APLF: variants seen among roughly 807,000 people sequenced by gnomAD.
APLF encodes aprataxin and PNK-like factor.
In APLF, 61 loss-of-function variants were observed where a neutral mutation model predicts 55.6. The ratio of observed to expected loss-of-function variants is 1.10; its 90% CI spans 0.89 to 1.36. The LOEUF (loss-of-function observed/expected upper bound fraction) is 1.36. Among genes scored for constraint, APLF ranks in the 40% most tolerant of loss-of-function variants. The probability of loss-of-function intolerance (pLI) is 0.00; values close to 1 mark genes in which losing one functional copy is unlikely to be tolerated. For missense variants in APLF, 611 were observed against 602.5 expected (o/e 1.01, Z -0.15); for synonymous variants, 207 against 214.8 (o/e 0.96, Z 0.32).
At chr2:68,532,711 C>T (rs934261172) in intron 6 of APLF, among the ~76,000 whole-genome samples, 8 of 152,176 alleles carry the variant, frequency 5.3e-5, no homozygotes, top group African/African-American at 1.7e-4. Flanking sequence ...ACAACTCCTT[C>T]CCAGTTATGT....
intron 6 of APLF, among the ~76,000 whole-genome samples, chr2:68,532,116 C>T (rs1015156374): frequency 6.6e-6 from 1 of 152,180 alleles, no homozygotes; most frequent in African/African-American, 2.4e-5. Context: ...CCCTCCATCC[C>T]TGCCCAGTTT....
rs571593860 is a variant in APLF at position 68,541,161 on chromosome 2, T to C, written c.1160+2934T>C. On this transcript the variant is annotated intron_variant, in intron 7 of 9. Transcript: ENST00000303795. ...ATCACAAAATAAATCTCAGATAGAT[T>C]TTTGTAAAACATATAAAGTACAGGT... Among the ~76,000 whole-genome samples the C allele has an allele frequency of 2.6e-5, 4 of 152,282 alleles. No homozygotes were observed. The East Asian group carries it at 7.7e-4, about 29-fold the overall frequency.
rs1221098278 is a variant in APLF, at chr2:68,467,737, CG to C, written c.11del (p.Gly4AlafsTer21). ...GGGCCTAATCCTTGCCCGCCATGTC[CG>C]GGGGCTTCGAGCTGCAGCCGCGGGA... MS[G>X]GFELQPRDGG... is the part of the protein sequence containing the mutation. On this transcript the variant is annotated frameshift_variant, in exon 1 of 10. Transcript: ENST00000303795. LOFTEE classifies it high-confidence loss of function. 1 of 1,234,930 alleles carries C rather than the reference CG, an allele frequency of 8.1e-7. No individual in the cohort carries two copies. 76.5% of individuals were successfully genotyped at this position (1,234,930 alleles called of 1,614,324 possible). A position where few individuals can be genotyped will look rare whatever the true frequency, so the allele number is the denominator to read the frequency against.
intron 7 of APLF, among the ~76,000 whole-genome samples, chr2:68,540,846 T>C (rs1021738329): frequency 6.6e-6 from 1 of 152,098 alleles, no homozygotes; most frequent in Non-Finnish European, 1.5e-5. Flanking sequence ...GCAAAGGACG[T>C]AGAACTCTGA....
chr2:68,544,580 C>T (rs1231580670), intron 7 of APLF, among the ~76,000 whole-genome samples: 1 of 152,076 alleles, frequency 6.6e-6, no homozygotes, highest in Non-Finnish European at 1.5e-5. Flanking sequence ...AATAAATGCA[C>T]TTTTTCAATT....
At chr2:68,563,042 T>C (rs957969176) in intron 8 of APLF, 8 of 984,428 alleles carry the variant, frequency 8.1e-6, no homozygotes, top group Non-Finnish European at 9.6e-6. Context: ...TTTTCCTTCA[T>C]TTTCAGTGAA....
rs147314881 is a variant in APLF at position 68,507,878 on chromosome 2, TTAC to T, written c.341+4977_341+4979del. 9.2e-5 allele frequency among the ~76,000 whole-genome samples: 14 copies of T among 152,022 alleles called. No individual in the cohort carries two copies. In the East Asian group the frequency reaches 9.7e-4, roughly 11 times the overall value. On this transcript the variant is annotated intron_variant, in intron 3 of 9. Coordinates refer to ENST00000303795, the MANE Select transcript of APLF (RefSeq NM_173545.3). ...AAAGTAAATCCTTTGTTATACTGAA[TTAC>T]TTTTTTTTCAAATTGTTGAAAATCT...
intron 1 of APLF, among the ~76,000 whole-genome samples, chr2:68,468,418 T>G (rs1421018503): frequency 1.3e-5 from 2 of 152,200 alleles, no homozygotes; most frequent in African/African-American, 2.4e-5. Context: ...ATAGCGTTCG[T>G]GTCATTGGTC....
intron 8 of APLF, among the ~76,000 whole-genome samples, chr2:68,549,646 G>A (rs1670802129): frequency 6.6e-6 from 1 of 152,106 alleles, no homozygotes; most frequent in Non-Finnish European, 1.5e-5. Flanking sequence ...TTTTATAAAT[G>A]TCGATTTGGT....
At chr2:68,525,784 C>G (rs1457750881) in intron 5 of APLF, among the ~76,000 whole-genome samples, 2 of 116,022 alleles carry the variant, frequency 1.7e-5, no homozygotes, top group East Asian at 2.6e-4. Context: ...GAGGCTCGCT[C>G]TGTCACCCAG....
intron 1 of APLF, among the ~76,000 whole-genome samples, chr2:68,484,272 G>A (rs1676058394): frequency 6.6e-6 from 1 of 152,082 alleles, no homozygotes; most frequent in Admixed American, 6.6e-5. Context: ...GTATATTATA[G>A]TAGATGAAGT....
rs1671681024 is a variant in APLF at position 68,578,488 on chromosome 2, T to C, written c.*466T>C. 1.0e-6 allele frequency: 1 copy of C among 987,120 alleles called. No homozygotes were observed. The highest frequency in any genetic ancestry group is 6.1e-5 in the Admixed American group (1 of 16,472). 61.1% of individuals were successfully genotyped at this position (987,120 alleles called of 1,614,324 possible). A position where few individuals can be genotyped will look rare whatever the true frequency, so the allele number is the denominator to read the frequency against. ...TTTAAAAAATGCAGCCATTACATAA[T>C]GGCGTTTTTTTTCTAGTACCTTAGA... On this transcript the variant is annotated 3_prime_UTR_variant, in exon 10 of 10. Transcript: ENST00000303795.
In APLF at chr2:68,545,388, G is replaced by T. The variant is rs552984969; in HGVS notation, c.1286+76G>T. 1.0e-4 allele frequency: 155 copies of T among 1,477,796 alleles called. 1 individual carries two copies. The South Asian group carries it at 2.2e-3, about 21-fold the overall frequency. 91.5% of individuals were successfully genotyped at this position (1,477,796 alleles called of 1,614,324 possible). Reference sequence around the variant, plus strand: ...ACTTATCTAGGAGAAACTGACAGCAGCTTGTTATCTCAAGCCTTTTAATTT... The same window carrying T: ...ACTTATCTAGGAGAAACTGACAGCATCTTGTTATCTCAAGCCTTTTAATTT... On this transcript the variant is annotated intron_variant, in intron 8 of 9. Coordinates refer to ENST00000303795, the MANE Select transcript of APLF (RefSeq NM_173545.3).
intron 2 of APLF, among the ~76,000 whole-genome samples, chr2:68,490,505 A>G (rs1436022305): frequency 6.6e-6 from 1 of 152,206 alleles, no homozygotes; most frequent in Non-Finnish European, 1.5e-5. Context: ...CAGTTCATGT[A>G]TATATTATGA....
At chr2:68,479,883 A>G (rs982462682) in intron 1 of APLF, among the ~76,000 whole-genome samples, 4 of 151,988 alleles carry the variant, frequency 2.6e-5, no homozygotes, top group Non-Finnish European at 5.9e-5. Flanking sequence ...TCCTCAGCCT[A>G]CTCAAGGTGA....
intron 9 of APLF, among the ~76,000 whole-genome samples, chr2:68,571,161 T>G (rs1473581647): frequency 6.6e-6 from 1 of 152,086 alleles, no homozygotes; most frequent in Non-Finnish European, 1.5e-5. Context: ...TTCTTGTAAA[T>G]TTGTTTGAGT....
intron 6 of APLF, among the ~76,000 whole-genome samples, chr2:68,534,678 C>T (rs937547204): frequency 1.2e-4 from 19 of 152,192 alleles, no homozygotes; most frequent in Admixed American, 5.9e-4. Flanking sequence ...GCCACTCTAT[C>T]ATGAGTCGCC....
At chr2:68,528,162 C>T (rs1670134613) in intron 6 of APLF, 4 of 652,418 alleles carry the variant, frequency 6.1e-6, no homozygotes, top group South Asian at 5.4e-5. Flanking sequence ...CTCCTCAGGT[C>T]TCAATCTCTT....
At chr2:68,483,245 A>G (rs902337471) in intron 1 of APLF, among the ~76,000 whole-genome samples, 4 of 152,258 alleles carry the variant, frequency 2.6e-5, no homozygotes, top group Non-Finnish European at 5.9e-5. Flanking sequence ...AATTCCAGGT[A>G]GCTCTCCAAA....
Sources: gnomAD v4.1 joint callset for allele counts (sites outside exome capture counted in the v4.1 genomes callset) on GRCh38, gnomAD v4.1.1 for gene constraint, MANE v1.5 for transcripts, NCBI Gene and HGNC (gene_info 2026-07-23, HGNC 2026-07-21) for gene names.